Variants in ZNF469 observed in about 807,000 individuals in gnomAD.
ZNF469 encodes the protein zinc finger protein 469.
ZNF469 carries 1 observed loss-of-function variant against 1.0 expected under a neutral mutation model. That is an observed-to-expected ratio of 1.00 (90% CI 0.35 to 4.73). ZNF469 has a LOEUF of 4.73. ZNF469 is among the 30% of genes most tolerant of loss of function. The pLI, the probability that ZNF469 is intolerant of heterozygous loss-of-function variation, is 0.16. For synonymous variants in ZNF469, 2,703 were observed against 2,363.4 expected, an observed-to-expected ratio of 1.14 and a Z score of -4.17; for missense variants, 6,100 against 5,356.3, an observed-to-expected ratio of 1.14 and a Z score of -4.33.
the ZNF469 span, among the ~76,000 whole-genome samples, chr16:88,233,655 C>A: frequency 6.6e-6 from 1 of 152,228 alleles, no homozygotes; most frequent in African/African-American, 2.4e-5. Flanking sequence ...AAAACCTCAG[C>A]CCCATGACTC....
chr16:88,213,360 A>C, the ZNF469 span, among the ~76,000 whole-genome samples: 1 of 152,004 alleles, frequency 6.6e-6, no homozygotes, highest in African/African-American at 2.4e-5. Context: ...CGGCCTCCCA[A>C]AGTGCTGGGA....
chr16:88,160,386 C>T, the ZNF469 span, among the ~76,000 whole-genome samples: 11 of 152,200 alleles, frequency 7.2e-5, no homozygotes, highest in Non-Finnish European at 1.2e-4. Flanking sequence ...GGCATCTGTC[C>T]GAGACCGGCA....
the ZNF469 span, among the ~76,000 whole-genome samples, chr16:88,316,607 C>G: frequency 3.7e-5 from 5 of 135,212 alleles, no homozygotes; most frequent in African/African-American, 1.4e-4. Context: ...AGTGCAGTGA[C>G]ACGATCTTGG....
chr16:88,210,104 G>C, the ZNF469 span, among the ~76,000 whole-genome samples: 1 of 152,338 alleles, frequency 6.6e-6, no homozygotes, highest in Admixed American at 6.5e-5. Context: ...TGAGAAATGA[G>C]ACCGCAATGT....
At chr16:88,402,629 C>T (rs989431161) in intron 1 of ZNF469, among the ~76,000 whole-genome samples, 2 of 152,292 alleles carry the variant, frequency 1.3e-5, no homozygotes, top group East Asian at 1.9e-4. Context: ...CCTGGGTCTG[C>T]CCCCACGGTC....
chr16:88,122,821 CTG>C, the ZNF469 span, among the ~76,000 whole-genome samples: 7 of 151,876 alleles, frequency 4.6e-5, no homozygotes, highest in African/African-American at 1.7e-4. Flanking sequence ...ATGCTTAACT[CTG>C]TGTATATATG....
chr16:88,341,311 G>A, the ZNF469 span, among the ~76,000 whole-genome samples: 1 of 152,150 alleles, frequency 6.6e-6, no homozygotes, highest in Non-Finnish European at 1.5e-5. Context: ...GGCCCAGGAG[G>A]CGCATGGGCC....
At chr16:88,261,653 GC>G in the ZNF469 span, among the ~76,000 whole-genome samples, 1 of 152,176 alleles carries the variant, frequency 6.6e-6, no homozygotes, top group Non-Finnish European at 1.5e-5. This position sits in a 1 kb window ranked among gnomAD's most constrained non-coding sequence, Gnocchi z 6.0. Context: ...AGTGACACCT[GC>G]CTTTGACACA....
the ZNF469 span, among the ~76,000 whole-genome samples, chr16:88,216,819 T>C: frequency 6.6e-6 from 1 of 152,136 alleles, no homozygotes; most frequent in African/African-American, 2.4e-5. Flanking sequence ...TTTTTCTATA[T>C]TTTTTATTAT....
In ZNF469 at chr16:88,430,962, C is replaced by T. The variant is rs1003127561; in HGVS notation, c.3492C>T (p.Gly1164=). The change falls in exon 3 of 3, where the codon GGC becomes GGT. Residue 1164 remains glycine, a synonymous_variant. Coordinates refer to ENST00000565624, the MANE Select transcript of ZNF469 (RefSeq NM_001367624.2). ...NPEEPGGSRP[G]PGRSPQARGP... is the part of the protein sequence containing the mutation. ...AGGAGCCGGGCGGGTCTCGCCCGGG[C>T]CCCGGCAGGAGCCCTCAGGCCCGTG... The T allele has an allele frequency of 1.0e-5, 16 of 1,536,038 alleles. No homozygotes were observed. In the East Asian group the frequency reaches 3.7e-4, roughly 35 times the overall value.
chr16:88,211,749 T>G, the ZNF469 span, among the ~76,000 whole-genome samples: 1 of 152,198 alleles, frequency 6.6e-6, no homozygotes, highest in Non-Finnish European at 1.5e-5. Context: ...TGCTGTGATC[T>G]CCACAAATTC....
chr16:88,196,353 G>T, the ZNF469 span, among the ~76,000 whole-genome samples: 4 of 152,200 alleles, frequency 2.6e-5, no homozygotes, highest in Non-Finnish European at 5.9e-5. Context: ...TGATTCTCAT[G>T]AGGGCAAGGA....
At position 88,433,294 on chromosome 16, in the gene ZNF469, G is replaced by A. The variant is rs114755302; in HGVS notation, c.5824G>A (p.Gly1942Arg). Reference sequence around the variant, plus strand: ...ACGAGTGAACCCCTCAGGTCTGGAAGGGGGCACTGTGGAAGGAGGGAAGGT... The same window carrying A: ...ACGAGTGAACCCCTCAGGTCTGGAAAGGGGCACTGTGGAAGGAGGGAAGGT... ...PPRVNPSGLEGGTVEGGKVAC... is the reference protein window; with the variant it reads ...PPRVNPSGLERGTVEGGKVAC... Residue 1942 changes from glycine to arginine, a missense_variant, in exon 3 of 3, where the codon GGG (glycine) becomes AGG (arginine). By Grantham distance (125) the Gly-to-Arg change is moderately radical (BLOSUM62 -2). Coordinates refer to ENST00000565624, the MANE Select transcript of ZNF469 (RefSeq NM_001367624.2). The A allele has an allele frequency of 6.3e-4, 972 of 1,550,382 alleles. 9 individuals are homozygous for A. The African/African-American group carries it at 0.012, about 19-fold the overall frequency.
chr16:88,162,707 G>T, the ZNF469 span, among the ~76,000 whole-genome samples: 1 of 145,444 alleles, frequency 6.9e-6, no homozygotes, highest in Non-Finnish European at 1.5e-5. Flanking sequence ...TGGTTTGCTT[G>T]GCAGTTTCCC....
the ZNF469 span, among the ~76,000 whole-genome samples, chr16:88,111,771 A>G: frequency 4.6e-5 from 7 of 152,016 alleles, no homozygotes; most frequent in Non-Finnish European, 1.0e-4. Flanking sequence ...TGTGTAGCTG[A>G]GACTACAGGT....
Position 88,429,036 on chromosome 16 carries a change from C to T in ZNF469, c.1566C>T (p.Gly522=). 3.9e-6 allele frequency: 6 copies of T among 1,549,684 alleles called. No individual in the cohort carries two copies. The highest frequency in any genetic ancestry group is 5.2e-6 in the Non-Finnish European group (6 of 1,146,836). The part of the protein sequence containing the change: ...EWQGGSQGAL[G]TAGKTPGPRE... ...AGGGGGGCAGCCAAGGAGCCCTGGG[C>T]ACTGCTGGCAAGACACCGGGACCCA... Residue 522 remains glycine, a synonymous_variant, in exon 3 of 3, where the codon GGC becomes GGT. Transcript: ENST00000565624.
In ZNF469 at chr16:88,431,331, G is replaced by A. The variant is rs1327569664; in HGVS notation, c.3861G>A (p.Thr1287=). 4 of 1,549,526 alleles carry A rather than the reference G, an allele frequency of 2.6e-6. No individual in the cohort carries two copies. Among genetic ancestry groups the A allele is most frequent in the East Asian group, 4.9e-5 (2 of 40,902 alleles). Residue 1287 remains threonine, a synonymous_variant, in exon 3 of 3, where the codon ACG becomes ACA. Coordinates refer to ENST00000565624, the MANE Select transcript of ZNF469 (RefSeq NM_001367624.2). ...AGCCGTCGGGAAGCCTCGCCAACAC[G>A]GCGCCCCACGGAAGCTCGCCAACGC... is the stretch of plus-strand genomic sequence containing the variant. ...TPKPSGSLAN[T]APHGSSPTPG...
chr16:88,266,717 C>G, the ZNF469 span, among the ~76,000 whole-genome samples: 18 of 152,172 alleles, frequency 1.2e-4, no homozygotes, highest in Non-Finnish European at 2.4e-4. Flanking sequence ...CAGCTGTGAG[C>G]AGAATTCCTT....
At chr16:88,220,358 G>A in the ZNF469 span, among the ~76,000 whole-genome samples, 2 of 152,208 alleles carry the variant, frequency 1.3e-5, no homozygotes, top group Non-Finnish European at 2.9e-5. Flanking sequence ...TGTAAATGGA[G>A]GAAGTCATGG....
Sources: gnomAD v4.1 joint callset for allele counts (sites outside exome capture counted in the v4.1 genomes callset) on GRCh38, gnomAD v4.1.1 for gene constraint, Gnocchi (gnomAD v3.1) non-coding constraint, MANE v1.5 for transcripts, NCBI Gene and HGNC (gene_info 2026-07-23, HGNC 2026-07-21) for gene names.